Variants in DNAH17 observed in about 807,000 individuals in gnomAD.
The protein encoded by DNAH17 is axonemal beta dynein heavy chain 17.
A neutral mutation model predicts 485.6 loss-of-function variants in DNAH17; 376 were observed. That is an observed-to-expected ratio of 0.77 (90% CI 0.71 to 0.84). DNAH17 has a LOEUF of 0.84. Among genes scored for constraint, DNAH17 ranks in the 40% least tolerant of loss-of-function variants. DNAH17 has a pLI of 0.00. For synonymous variants in DNAH17, 3,031 were observed against 2,405.9 expected, an observed-to-expected ratio of 1.26 and a Z score of -7.60; for missense variants, 6,370 against 5,839.3, an observed-to-expected ratio of 1.09 and a Z score of -2.96.
In DNAH17 at chr17:78,557,636, C is replaced by CAAAA. The variant is rs34251460; in HGVS notation, c.2178+468_2178+471dup. On this transcript the variant is annotated intron_variant, in intron 14 of 80. Coordinates refer to ENST00000389840, the MANE Select transcript of DNAH17 (RefSeq NM_173628.4). The stretch of plus-strand genomic sequence containing the variant: ...CCTGGGTGACAGAGTGAGACTGTCT[C>CAAAA]AAAAAAAAAAAAAAAAAAAAAAAAA... Among the ~76,000 whole-genome samples the CAAAA allele has an allele frequency of 3.9e-3, 114 of 29,034 alleles. 12 individuals are homozygous for CAAAA. Among genetic ancestry groups the CAAAA allele is most frequent in the South Asian group, 0.029 (10 of 344 alleles). 19.0% of individuals were successfully genotyped at this position (29,034 alleles called of 152,430 possible).
rs150966368 is a variant in DNAH17, at chr17:78,486,468, G to C, written c.6857C>G (p.Ser2286Trp). ...SSWIERRKVQ[S>W]EKANLMILFD... is the part of the protein sequence containing the mutation. ...GAGGATCATCAGGTTGGCCTTCTCC[G>C]ACTGCACCTTGCGCCTCTCGATCCA... The change falls in exon 45 of 81, where the codon TCG (serine) becomes TGG (tryptophan). Residue 2286 changes from serine to tryptophan, a missense_variant. Coordinates refer to ENST00000389840, the MANE Select transcript of DNAH17 (RefSeq NM_173628.4). The C allele has an allele frequency of 7.4e-6, 12 of 1,612,930 alleles. No homozygotes were observed. Among genetic ancestry groups the C allele is most frequent in the Non-Finnish European group, 1.0e-5 (12 of 1,179,594 alleles).
chr17:78,504,355 G>A (rs1055074345), intron 31 of DNAH17, among the ~76,000 whole-genome samples: 7 of 151,950 alleles, frequency 4.6e-5, no homozygotes, highest in Admixed American at 6.6e-5. Flanking sequence ...ATGAGCTACC[G>A]CGCCCGGCCA....
chr17:78,435,453 G>A (rs2086824748), intron 74 of DNAH17, among the ~76,000 whole-genome samples: 1 of 152,016 alleles, frequency 6.6e-6, no homozygotes, highest in Non-Finnish European at 1.5e-5. Flanking sequence ...TTACCCACAG[G>A]TCTCAGCTGT....
Position 78,576,588 on chromosome 17 carries a change from C to T in DNAH17, c.-26+707G>A, listed in dbSNP as rs375137664. Among the ~76,000 whole-genome samples, 7 of 152,246 alleles carry T rather than the reference C, an allele frequency of 4.6e-5. No individual in the cohort carries two copies. In the South Asian group the frequency reaches 6.2e-4, roughly 14 times the overall value. ...ATCTCCACCCAGGATCTCCGAGACCCGGGGACGCGTCACGTCGTCATTTCC... is the reference window on the plus strand; with the variant it reads ...ATCTCCACCCAGGATCTCCGAGACCTGGGGACGCGTCACGTCGTCATTTCC... On this transcript the variant is annotated intron_variant, in intron 1 of 80. Transcript: ENST00000389840.
At chr17:78,463,386 GCA>G (rs2088242760) in intron 56 of DNAH17, among the ~76,000 whole-genome samples, 1 of 152,130 alleles carries the variant, frequency 6.6e-6, no homozygotes, top group Admixed American at 6.5e-5. Context: ...TCACATACCT[GCA>G]TATATACGCG....
chr17:78,425,599 G>GAGAGGACAT, intron 79 of DNAH17, 28 bp from the exon 80 acceptor site: 1 of 1,574,030 alleles, frequency 6.4e-7, no homozygotes, highest in Non-Finnish European at 8.6e-7. Context: ...CCGCTAGGAG[G>GAGAGGACAT]AGAGGACATA....
At position 78,537,471 on chromosome 17, in the gene DNAH17, G is replaced by A. The variant is rs371477154; in HGVS notation, c.2687C>T (p.Ala896Val). Residue 896 changes from alanine to valine, a missense_variant, in exon 19 of 81, where the codon GCT (alanine) becomes GTT (valine). By Grantham distance (64) the Ala-to-Val change is moderately conservative. Transcript: ENST00000389840. ...MDNMVIDESIAPLFEIRMELD... is the reference protein window; with the variant it reads ...MDNMVIDESIVPLFEIRMELD... Reference sequence around the variant, plus strand: ...CTCCATGCGGATCTCAAACAGGGGAGCGATACTCTCCTGAAAGAGGGGTGG... The same window carrying A: ...CTCCATGCGGATCTCAAACAGGGGAACGATACTCTCCTGAAAGAGGGGTGG... 1 of 1,613,310 alleles carries A rather than the reference G, an allele frequency of 6.2e-7. No homozygotes were observed. The highest frequency in any genetic ancestry group is 8.5e-7 in the Non-Finnish European group (1 of 1,179,836).
intron 17 of DNAH17, among the ~76,000 whole-genome samples, chr17:78,542,328 A>G (rs534773692): frequency 7.7e-4 from 117 of 152,096 alleles, no homozygotes; most frequent in African/African-American, 2.6e-3. Context: ...TTGTATTTTT[A>G]GTAGAGACAG....
In DNAH17 at chr17:78,572,676, G is replaced by A. The variant is rs557795294; in HGVS notation, c.539+25C>T. On this transcript the variant is annotated intron_variant, in intron 3 of 80. Transcript: ENST00000389840. ...TGTGCCTCTTCCCCACCCAGCGGCA[G>A]CCGGAAGCAGCTGGGCCCACACACC... 1.3e-4 allele frequency: 198 copies of A among 1,569,236 alleles called. 2 individuals are homozygous for A. In the East Asian group the frequency reaches 3.3e-3, roughly 26 times the overall value.
At chr17:78,508,159 C>A (rs1329726689) in intron 27 of DNAH17, among the ~76,000 whole-genome samples, 2 of 152,184 alleles carry the variant, frequency 1.3e-5, no homozygotes, top group African/African-American at 2.4e-5. Context: ...AATATGCCAT[C>A]CTGCAATTGA....
intron 72 of DNAH17, among the ~76,000 whole-genome samples, chr17:78,440,192 C>T (rs559337426): frequency 5.5e-4 from 83 of 151,108 alleles, no homozygotes; most frequent in African/African-American, 2.0e-3. Context: ...GTCTCAGACT[C>T]CCAAAGTTCT....
At chr17:78,438,665 A>C (rs897087918) in intron 73 of DNAH17, among the ~76,000 whole-genome samples, 1 of 150,858 alleles carries the variant, frequency 6.6e-6, no homozygotes, top group Non-Finnish European at 1.5e-5. Flanking sequence ...CACTTGGCTA[A>C]TTTTTGTATT....
chr17:78,495,945 T>C lies in DNAH17; in HGVS notation c.5833A>G (p.Ile1945Val), dbSNP rs372665010. 8.1e-5 allele frequency: 130 copies of C among 1,613,994 alleles called. 2 individuals are homozygous for C. In the South Asian group the frequency reaches 1.2e-3, roughly 14 times the overall value. Residue 1945 changes from isoleucine (I) to valine (V), a missense_variant, in exon 38 of 81, where the codon ATC (isoleucine) becomes GTC (valine). Coordinates refer to ENST00000389840, the MANE Select transcript of DNAH17 (RefSeq NM_173628.4). The stretch of plus-strand genomic sequence containing the variant: ...TACCCAGGGTTCATGGTGATGAAGA[T>C]ACCGACGGTGGGAATGAGGCCTATG... ...EIIGLIPTVGIFITMNPGYAG... is the reference protein window; with the variant it reads ...EIIGLIPTVGVFITMNPGYAG...
At chr17:78,507,142 G>T in intron 29 of DNAH17, 136 bp downstream of exon 29, 1 of 1,004,674 alleles carries the variant, frequency 1.0e-6, no homozygotes, top group Non-Finnish European at 1.4e-6. Flanking sequence ...CCAGGGAAAG[G>T]CAATTGATTA....
At chr17:78,569,009 C>T (rs1028293055) in intron 9 of DNAH17, among the ~76,000 whole-genome samples, 157 bp downstream of exon 9, 5 of 151,998 alleles carry the variant, frequency 3.3e-5, no homozygotes, top group East Asian at 1.9e-4. Flanking sequence ...CAGATGCTGC[C>T]GCAAAGCCTT....
chr17:78,541,566 T>C, intron 17 of DNAH17, among the ~76,000 whole-genome samples: 1 of 152,020 alleles, frequency 6.6e-6, no homozygotes, highest in African/African-American at 2.4e-5. Context: ...ATGGCTCTAA[T>C]GACTGTCATG....
At chr17:78,528,803 G>A (rs546987164) in intron 22 of DNAH17, among the ~76,000 whole-genome samples, 51 of 152,142 alleles carry the variant, frequency 3.4e-4, no homozygotes, top group Non-Finnish European at 5.7e-4. Flanking sequence ...CTGTGCAAAC[G>A]CAGCTGCCAG....
intron 36 of DNAH17, chr17:78,499,644 G>T (rs753533090): frequency 6.6e-6 from 1 of 152,354 alleles, no homozygotes; most frequent in Non-Finnish European, 1.5e-5. Flanking sequence ...TAAAATCCAG[G>T]AGGCGGATGT....
chr17:78,531,158 T>G (rs2091225377), intron 20 of DNAH17, among the ~76,000 whole-genome samples: 1 of 152,134 alleles, frequency 6.6e-6, no homozygotes. Context: ...AAACCCTAAC[T>G]GTTACTGTAC....
Sources: allele counts gnomAD v4.1 joint callset (sites outside exome capture counted in the v4.1 genomes callset), GRCh38; gene constraint gnomAD v4.1.1; transcripts MANE v1.5; gene names NCBI Gene and HGNC (gene_info 2026-07-23, HGNC 2026-07-21).